The following SPARC variants were observed in gnomAD, a reference collection of about 807,000 sequenced individuals.
SPARC encodes basement-membrane protein 40.
Under a neutral mutation model 37.7 loss-of-function variants are expected in SPARC, and 23 were observed. The observed-to-expected ratio is 0.61, with a 90% CI of 0.44 to 0.87. The LOEUF (loss-of-function observed/expected upper bound fraction) is 0.87, where lower values mean the gene tolerates loss of function less well. Among genes scored for constraint, SPARC ranks in the 40% least tolerant of loss-of-function variants. SPARC has a pLI of 0.00. For synonymous variants in SPARC, 155 were observed against 150.8 expected, an observed-to-expected ratio of 1.03 and a Z score of -0.20; for missense variants, 312 against 389.0, an observed-to-expected ratio of 0.80 and a Z score of 1.66.
intron 4 of SPARC, among the ~76,000 whole-genome samples, chr5:151,672,225 G>A (rs1760763200): frequency 6.6e-6 from 1 of 152,302 alleles, no homozygotes; most frequent in South Asian, 2.1e-4. Flanking sequence ...GTGGAGGCGG[G>A]AAGGAACATG....
Position 151,671,667 on chromosome 5 carries a change from T to A in SPARC, c.236A>T (p.His79Leu). The change falls in exon 5 of 10, where the codon CAC (histidine) becomes CTC (leucine). Residue 79 changes from histidine (H) to leucine (L), a missense_variant. By Grantham distance (99) the His-to-Leu change is moderately conservative (BLOSUM62 -3). Coordinates refer to ENST00000231061, the MANE Select transcript of SPARC (RefSeq NM_003118.4). ...ENPCQNHHCK[H>L]GKVCELDENN... ...CTCATCCAGCTCGCACACCTTGCCG[T>A]GTTTGCAGTGGTGGTTCTGGCAGGG... 1 of 1,613,502 alleles carries A rather than the reference T, an allele frequency of 6.2e-7. No individual in the cohort carries two copies. The highest frequency in any genetic ancestry group is 8.5e-7 in the Non-Finnish European group (1 of 1,179,682).
intron 4 of SPARC, 32 bp from the exon 5 acceptor site, chr5:151,671,726 C>T (rs372242693): frequency 1.9e-6 from 3 of 1,612,494 alleles, no homozygotes; most frequent in African/African-American, 2.7e-5. Flanking sequence ...GAGTTAGCAT[C>T]ACCTGGACTA....
intron 7 of SPARC, among the ~76,000 whole-genome samples, chr5:151,666,762 C>T (rs148494796): frequency 7.2e-5 from 11 of 152,354 alleles, no homozygotes; most frequent in African/African-American, 2.6e-4. Flanking sequence ...CACACACTCA[C>T]ACCTGTAATC....
intron 3 of SPARC, 34 bp from the exon 4 acceptor site, chr5:151,673,250 C>T: frequency 7.0e-7 from 1 of 1,432,552 alleles, no homozygotes; most frequent in South Asian, 1.1e-5. Flanking sequence ...GTGAAATGGC[C>T]CCACTCCCAT....
At chr5:151,681,629 C>T (rs1228328709) in intron 1 of SPARC, among the ~76,000 whole-genome samples, 1 of 152,240 alleles carries the variant, frequency 6.6e-6, no homozygotes, top group Non-Finnish European at 1.5e-5. Flanking sequence ...CAATGGCTCA[C>T]GCCTGTAATC....
At chr5:151,670,666 G>A (rs755136146) in intron 5 of SPARC, among the ~76,000 whole-genome samples, 1 of 152,198 alleles carries the variant, frequency 6.6e-6, no homozygotes, top group Non-Finnish European at 1.5e-5. Context: ...CAGAGATGTT[G>A]AGGGCTGGAC....
At position 151,661,510 on chromosome 5, in the gene SPARC, A is replaced by T. The variant is rs1760501923; in HGVS notation, c.*2061T>A. 1 of 152,200 alleles carries T rather than the reference A, an allele frequency of 6.6e-6. No individual in the cohort carries two copies. Among genetic ancestry groups the T allele is most frequent in the South Asian group, 2.1e-4 (1 of 4,824 alleles). The allele number at this position is 152,200 out of a possible 1,614,324, so 9.4% of individuals were successfully genotyped here. On this transcript the variant is annotated 3_prime_UTR_variant, in exon 10 of 10. Transcript: ENST00000231061. ...AACATAACTTAAAATAAGAGAGGGG[A>T]AATGACATCTGGAGATCTAGGTATG...
chr5:151,680,328 AG>A (rs1334987543), intron 1 of SPARC, among the ~76,000 whole-genome samples: 1 of 143,888 alleles, frequency 6.9e-6, no homozygotes, highest in Non-Finnish European at 1.5e-5. Context: ...CCTGGGCTCA[AG>A]TGATTCTCCC....
chr5:151,679,183 T>G (rs957003889), intron 1 of SPARC: 1 of 152,252 alleles, frequency 6.6e-6, no homozygotes, highest in African/African-American at 2.4e-5. Flanking sequence ...TTTGTATTTC[T>G]TTAGTCTGTG....
intron 4 of SPARC, 163 bp downstream of exon 4, chr5:151,672,966 C>G: frequency 1.6e-6 from 1 of 638,218 alleles, no homozygotes; most frequent in Non-Finnish European, 2.9e-6. Flanking sequence ...CTGAGTGCCA[C>G]AGTTTCCCAC....
chr5:151,675,383 C>T (rs1334132037), intron 2 of SPARC, among the ~76,000 whole-genome samples: 4 of 152,180 alleles, frequency 2.6e-5, no homozygotes, highest in Non-Finnish European at 5.9e-5. Context: ...TGGATAACTA[C>T]TCCTGTCCCT....
chr5:151,682,382 C>T (rs1192576247), intron 1 of SPARC, among the ~76,000 whole-genome samples: 1 of 152,138 alleles, frequency 6.6e-6, no homozygotes, highest in Non-Finnish European at 1.5e-5. Context: ...ATTGTGGTGA[C>T]CACAAATGAA....
intron 3 of SPARC, among the ~76,000 whole-genome samples, chr5:151,673,752 T>C (rs1208853173): frequency 6.6e-6 from 1 of 152,140 alleles, no homozygotes; most frequent in Non-Finnish European, 1.5e-5. Flanking sequence ...AATTTAGACA[T>C]GTTGATTGAA....
chr5:151,674,490 A>G (rs1246813996), intron 3 of SPARC, 122 bp downstream of exon 3: 1 of 827,616 alleles, frequency 1.2e-6, no homozygotes, highest in Non-Finnish European at 2.1e-6. Context: ...CATCTATGCT[A>G]TGTGTGTACA....
At chr5:151,673,701 C>A (rs1488862261) in intron 3 of SPARC, among the ~76,000 whole-genome samples, 3 of 152,212 alleles carry the variant, frequency 2.0e-5, no homozygotes, top group Non-Finnish European at 4.4e-5. Flanking sequence ...GAAGCCCTCA[C>A]TTCTCAAGTT....
chr5:151,663,636 CT>C, intron 9 of SPARC, 37 bp from the exon 10 acceptor site: 1 of 1,611,640 alleles, frequency 6.2e-7, no homozygotes, highest in Non-Finnish European at 8.5e-7. Flanking sequence ...AAAAATAAGG[CT>C]GTGTCGATGA....
chr5:151,685,422 T>TCACACACACACACACACA (rs3033198), intron 1 of SPARC, among the ~76,000 whole-genome samples: 9 of 140,432 alleles, frequency 6.4e-5, no homozygotes, highest in African/African-American at 2.2e-4. Flanking sequence ...CCTCTCTCTC[T>TCACACACACACACACACA]CACACACACA....
Position 151,667,541 on chromosome 5 carries a change from G to C in SPARC, c.511C>G (p.Leu171Val), listed in dbSNP as rs766938181. 6.2e-7 allele frequency: 1 copy of C among 1,614,176 alleles called. No homozygotes were observed. Among genetic ancestry groups the C allele is most frequent in the Non-Finnish European group, 8.5e-7 (1 of 1,180,026 alleles). The change falls in exon 7 of 10, where the codon CTC (leucine) becomes GTC (valine). Residue 171 changes from leucine to valine, a missense_variant. By Grantham distance (32) the Leu-to-Val change is conservative. Transcript: ENST00000231061. ...TACAGGGTGACCAGGACGTTCTTGA[G>C]CCAGTCCCGCATGCGCAGGGGGAAT... is the stretch of plus-strand genomic sequence containing the variant. ...TEFPLRMRDWLKNVLVTLYER... is the reference protein window; with the variant it reads ...TEFPLRMRDWVKNVLVTLYER...
intron 7 of SPARC, among the ~76,000 whole-genome samples, chr5:151,667,264 T>G (rs1464007899): frequency 6.6e-6 from 1 of 152,234 alleles, no homozygotes; most frequent in Non-Finnish European, 1.5e-5. Flanking sequence ...GGAGCAGGTC[T>G]CTGCTGCAGG....
Sources: allele counts gnomAD v4.1 joint callset (sites outside exome capture counted in the v4.1 genomes callset), GRCh38; gene constraint gnomAD v4.1.1; transcripts MANE v1.5; gene names NCBI Gene and HGNC (gene_info 2026-07-23, HGNC 2026-07-21).